Variants in MYOF observed in about 807,000 individuals in gnomAD.
The protein encoded by MYOF is fer-1-like 3, myoferlin.
A neutral mutation model predicts 284.2 loss-of-function variants in MYOF; 244 were observed. The observed-to-expected ratio is 0.86, with a 90% CI of 0.77 to 0.95. The LOEUF (loss-of-function observed/expected upper bound fraction) is 0.95, where lower values mean the gene tolerates loss of function less well. Among genes scored for constraint, MYOF ranks in the 40% least tolerant of loss-of-function variants. MYOF has a pLI of 0.00. For missense variants in MYOF, 2,496 were observed against 2,560.6 expected, an observed-to-expected ratio of 0.97 and a Z score of 0.54; for synonymous variants, 904 against 919.7, an observed-to-expected ratio of 0.98 and a Z score of 0.31.
At chr10:93,382,388 G>A (rs1020271133) in intron 19 of MYOF, among the ~76,000 whole-genome samples, 3 of 151,986 alleles carry the variant, frequency 2.0e-5, no homozygotes, top group East Asian at 1.9e-4. Context: ...GCGTGCCACT[G>A]CACCCAGCTA....
chr10:93,478,969 C>T (rs4917798), intron 1 of MYOF, among the ~76,000 whole-genome samples: 102,566 of 151,614 alleles, frequency 0.68, 35,689 homozygotes, highest in South Asian at 0.76. Flanking sequence ...AGTGTCTATG[C>T]GAGCTTCACC....
chr10:93,443,538 G>C (rs1000580959), intron 3 of MYOF, among the ~76,000 whole-genome samples: 1 of 150,030 alleles, frequency 6.7e-6, no homozygotes, highest in Non-Finnish European at 1.5e-5. Flanking sequence ...AGTAACCTTG[G>C]CATCTTTAGA....
In MYOF at chr10:93,356,854, A is replaced by T; in HGVS notation, c.3121-6T>A. 6.2e-7 allele frequency: 1 copy of T among 1,604,716 alleles called. No homozygotes were observed. The highest frequency in any genetic ancestry group is 8.5e-7 in the Non-Finnish European group (1 of 1,177,592). On this transcript the variant is annotated splice_region_variant and splice_polypyrimidine_tract_variant and intron_variant, in intron 29 of 53. Transcript: ENST00000359263. ...TCTTGCAATTCCTCCATGGCCTAAAACAGAAGTAAACATGTTAATGATGAC... is the reference window on the plus strand; with the variant it reads ...TCTTGCAATTCCTCCATGGCCTAAATCAGAAGTAAACATGTTAATGATGAC...
Position 93,323,009 on chromosome 10 carries a change from A to T in MYOF, c.5456+69T>A. On this transcript the variant is annotated intron_variant, in intron 48 of 53. Transcript: ENST00000359263. ...GAATCCTATCTTGGGCATATTCAGT[A>T]ATGAAAACTCACGAAGGAGAGAGTC... 8.5e-6 allele frequency: 12 copies of T among 1,418,574 alleles called. No homozygotes were observed. In the South Asian group the frequency reaches 1.4e-4, roughly 16 times the overall value. The allele number at this position is 1,418,574 out of a possible 1,614,324, so 87.9% of individuals were successfully genotyped here.
chr10:93,437,237 T>C (rs920196444), intron 3 of MYOF, among the ~76,000 whole-genome samples: 2 of 152,088 alleles, frequency 1.3e-5, no homozygotes, highest in Admixed American at 1.3e-4. Context: ...CTTGCAAGTA[T>C]TGGTTAAGAG....
At position 93,371,199 on chromosome 10, in the gene MYOF, C is replaced by A. The variant is rs192758978; in HGVS notation, c.2458-1423G>T. ...AGAGTCATTCAAAGTCCAAGAAAGA[C>A]CAAGGATTTTAACGTAGCTGAGTAT... On this transcript the variant is annotated intron_variant, in intron 24 of 53. Coordinates refer to ENST00000359263, the MANE Select transcript of MYOF (RefSeq NM_013451.4). 1.7e-4 allele frequency among the ~76,000 whole-genome samples: 26 copies of A among 152,154 alleles called. No individual in the cohort carries two copies. In the East Asian group the frequency reaches 3.3e-3, roughly 19 times the overall value.
intron 3 of MYOF, among the ~76,000 whole-genome samples, chr10:93,440,078 G>T (rs538067267): frequency 2.0e-5 from 3 of 152,208 alleles, no homozygotes; most frequent in South Asian, 2.1e-4. Context: ...ATCCAATTTA[G>T]TGGAATCTGA....
At chr10:93,475,252 G>A (rs1348519861) in intron 1 of MYOF, among the ~76,000 whole-genome samples, 1 of 152,186 alleles carries the variant, frequency 6.6e-6, no homozygotes, top group Non-Finnish European at 1.5e-5. Context: ...ACACCCCAGT[G>A]CAACAGAACA....
At chr10:93,323,002 A>G in intron 48 of MYOF, 76 bp downstream of exon 48, 1 of 1,365,952 alleles carries the variant, frequency 7.3e-7, no homozygotes, top group South Asian at 1.2e-5. Context: ...TCTTGGGCAT[A>G]TTCAGTAATG....
At chr10:93,460,501 C>T (rs191571454) in intron 1 of MYOF, among the ~76,000 whole-genome samples, 20 of 152,236 alleles carry the variant, frequency 1.3e-4, no homozygotes, top group Admixed American at 4.6e-4. Flanking sequence ...TGGCGGCTCA[C>T]GCCTGTAATC....
rs370389342 is a variant in MYOF, at chr10:93,452,122, C to G, written c.164G>C (p.Arg55Thr). 4.8e-5 allele frequency: 77 copies of G among 1,609,494 alleles called. No individual in the cohort carries two copies. Among genetic ancestry groups the G allele is most frequent in the Non-Finnish European group, 7.6e-6 (9 of 1,178,972 alleles). Residue 55 changes from arginine (R) to threonine (T), a missense_variant, in exon 3 of 54, where the codon AGG becomes ACG. Arg to Thr is a moderately conservative substitution (Grantham distance 71). Transcript: ENST00000359263. ...AGATGAAAAGTCCAGTGGTATACCC[C>G]TCAAGTCAAACTCCAAAATCTGTTC... ...VWNEILEFDLRGIPLDFSSSL... is the reference protein window; with the variant it reads ...VWNEILEFDLTGIPLDFSSSL...
chr10:93,455,088 G>A (rs979977091), intron 2 of MYOF, among the ~76,000 whole-genome samples: 3 of 148,456 alleles, frequency 2.0e-5, no homozygotes, highest in Admixed American at 6.8e-5. Context: ...TCGACAGTTC[G>A]AGACCAGCCT....
chr10:93,380,228 T>C (rs1034550170), intron 20 of MYOF, among the ~76,000 whole-genome samples: 2 of 152,184 alleles, frequency 1.3e-5, no homozygotes, highest in African/African-American at 2.4e-5. Flanking sequence ...AATCTCAGGA[T>C]CGTTTAGTGA....
At chr10:93,345,001 C>T (rs1013958502) in intron 37 of MYOF, among the ~76,000 whole-genome samples, 3 of 152,122 alleles carry the variant, frequency 2.0e-5, no homozygotes, top group African/African-American at 7.2e-5. Flanking sequence ...CAAAGCCTCA[C>T]CCTGGGGCGG....
At chr10:93,323,462 C>T (rs1386964405) in intron 46 of MYOF, 104 bp from the exon 47 acceptor site, 2 of 976,550 alleles carry the variant, frequency 2.0e-6, no homozygotes, top group African/African-American at 1.6e-5. Context: ...TTTCTTTGGT[C>T]TCTCTAATTT....
intron 25 of MYOF, among the ~76,000 whole-genome samples, chr10:93,368,003 G>A (rs1845406586): frequency 6.6e-6 from 1 of 152,080 alleles, no homozygotes; most frequent in Non-Finnish European, 1.5e-5. Flanking sequence ...TCTATGCAGG[G>A]AAGGATCCAA....
intron 41 of MYOF, among the ~76,000 whole-genome samples, chr10:93,334,560 C>CA (rs1412709785): frequency 6.6e-6 from 1 of 152,140 alleles, no homozygotes; most frequent in Non-Finnish European, 1.5e-5. Context: ...ACCCTATCTC[C>CA]AGGGCCTAAC....
At chr10:93,462,912 C>T (rs11187438) in intron 1 of MYOF, among the ~76,000 whole-genome samples, 7,356 of 152,060 alleles carry the variant, frequency 0.048, 406 homozygotes, top group East Asian at 0.25. Context: ...ACATTACCTA[C>T]CCCCCAACCT....
chr10:93,411,581 G>T lies in MYOF; in HGVS notation c.434-1842C>A, dbSNP rs200223178. On this transcript the variant is annotated intron_variant, in intron 5 of 53. Transcript: ENST00000359263. ...CAGGACACTTCCTGGAACCAGCTAT[G>T]GGGGGTGTGGGGATGGGGCACTGGA... is the stretch of plus-strand genomic sequence containing the variant. Among the ~76,000 whole-genome samples the T allele has an allele frequency of 4.3e-4, 66 of 152,126 alleles. No individual in the cohort carries two copies. In the East Asian group the frequency reaches 0.012, roughly 28 times the overall value.
Sources: allele counts gnomAD v4.1 joint callset (sites outside exome capture counted in the v4.1 genomes callset), GRCh38; gene constraint gnomAD v4.1.1; transcripts MANE v1.5; gene names NCBI Gene and HGNC (gene_info 2026-07-23, HGNC 2026-07-21).